The following JAKMIP1 variants were observed in gnomAD, a reference collection of about 807,000 sequenced individuals.
JAKMIP1 encodes janus kinase and microtubule interacting protein 1, also known as janus kinase and microtubule-interacting protein 1.
In JAKMIP1, 33 loss-of-function variants were observed where a neutral mutation model predicts 113.0. The ratio of observed to expected loss-of-function variants is 0.29; its 90% CI spans 0.22 to 0.39. The LOEUF (loss-of-function observed/expected upper bound fraction) is 0.39, where lower values mean the gene tolerates loss of function less well. Among genes scored for constraint, JAKMIP1 ranks in the 10% least tolerant of loss-of-function variants. The pLI is 1.00. For missense variants in JAKMIP1, 813 were observed against 1,080.5 expected (o/e 0.75, Z 3.47); for synonymous variants, 480 against 459.9 (o/e 1.04, Z -0.56).
rs1248564548 is a variant in JAKMIP1, at chr4:6,183,389, G to A, written c.-148+16864C>T. On this transcript the variant is annotated intron_variant, in intron 1 of 20. Transcript: ENST00000409021. The surrounding 1 kb of genome is among the most constrained non-coding windows in gnomAD (Gnocchi z 5.3). ...AACTACTTGGGAGGCCGAGGCAGGA[G>A]AGTCGCTTGAACCTGGGAGGCAGAG... is the stretch of plus-strand genomic sequence containing the variant. Among the ~76,000 whole-genome samples the A allele has an allele frequency of 6.6e-6, 1 of 151,854 alleles. No homozygotes were observed. The highest frequency in any genetic ancestry group is 2.4e-5 in the African/African-American group (1 of 41,312).
chr4:6,075,007 T>C (rs1315493940), intron 8 of JAKMIP1, among the ~76,000 whole-genome samples: 1 of 152,202 alleles, frequency 6.6e-6, no homozygotes. Context: ...GACGCATTTC[T>C]CAGAATGTGT....
In JAKMIP1 at chr4:6,154,088, TCCTGCTG is replaced by T. The variant is rs1383592543; in HGVS notation, c.-147-41098_-147-41092del. ...CCCAGACCATGCCTGGCTGACTGCA[TCCTGCTG>T]CCTATGGTGAGAAGGCACAGGCTTG... On this transcript the variant is annotated intron_variant, in intron 1 of 20. Coordinates refer to ENST00000409021, the MANE Select transcript of JAKMIP1 (RefSeq NM_001099433.2). This position sits in a 1 kb window ranked among gnomAD's most constrained non-coding sequence, Gnocchi z 4.2. Among the ~76,000 whole-genome samples the T allele has an allele frequency of 6.6e-6, 1 of 152,188 alleles. No individual in the cohort carries two copies. The highest frequency in any genetic ancestry group is 1.5e-5 in the Non-Finnish European group (1 of 68,042).
At chr4:6,046,529 C>T (rs192355809) in intron 16 of JAKMIP1, among the ~76,000 whole-genome samples, 6 of 151,942 alleles carry the variant, frequency 3.9e-5, no homozygotes, top group Admixed American at 3.9e-4. Flanking sequence ...GGGCACAAGG[C>T]ACAGCACCAG....
chr4:6,156,392 A>G lies in JAKMIP1; in HGVS notation c.-147-43395T>C, dbSNP rs1722244911. Among the ~76,000 whole-genome samples the G allele has an allele frequency of 6.6e-6, 1 of 152,220 alleles. No homozygotes were observed. Among genetic ancestry groups the G allele is most frequent in the Non-Finnish European group, 1.5e-5 (1 of 68,036 alleles). Reference sequence around the variant, plus strand: ...TACAAAAATAATGATGCATGTCCCAATTGACAGCAGCTTAGATTTAATAAA... The same window carrying G: ...TACAAAAATAATGATGCATGTCCCAGTTGACAGCAGCTTAGATTTAATAAA... On this transcript the variant is annotated intron_variant, in intron 1 of 20. Coordinates refer to ENST00000409021, the MANE Select transcript of JAKMIP1 (RefSeq NM_001099433.2). This position sits in a 1 kb window ranked among gnomAD's most constrained non-coding sequence, Gnocchi z 5.0.
At chr4:6,053,571 T>C (rs1305755369) in intron 13 of JAKMIP1, among the ~76,000 whole-genome samples, 1 of 152,220 alleles carries the variant, frequency 6.6e-6, no homozygotes, top group Non-Finnish European at 1.5e-5. Flanking sequence ...CTAGAGTCAA[T>C]TGCTGGCTCA....
chr4:6,112,964 T>G lies in JAKMIP1; in HGVS notation c.-114A>C. On this transcript the variant is annotated 5_prime_UTR_variant, in exon 2 of 21. Coordinates refer to ENST00000409021, the MANE Select transcript of JAKMIP1 (RefSeq NM_001099433.2). ...GCTAACCAGTCGCGCAGGACTCAGCTCGCCCTCCGAGGAAACCACCATCAC... is the reference window on the plus strand; with the variant it reads ...GCTAACCAGTCGCGCAGGACTCAGCGCGCCCTCCGAGGAAACCACCATCAC... The G allele has an allele frequency of 7.1e-7, 1 of 1,404,034 alleles. No individual in the cohort carries two copies. Among genetic ancestry groups the G allele is most frequent in the South Asian group, 1.5e-5 (1 of 66,872 alleles). 87.0% of individuals were successfully genotyped at this position (1,404,034 alleles called of 1,614,324 possible).
rs554767264 is a variant in JAKMIP1, at chr4:6,197,934, C to T, written c.-148+2319G>A. ...CTTACACACCAAGAGAGTGGGGCCACGGTCCTGCCACTTCCTCGTGCAGCC... is the reference window on the plus strand; with the variant it reads ...CTTACACACCAAGAGAGTGGGGCCATGGTCCTGCCACTTCCTCGTGCAGCC... On this transcript the variant is annotated intron_variant, in intron 1 of 20. Coordinates refer to ENST00000409021, the MANE Select transcript of JAKMIP1 (RefSeq NM_001099433.2). This position sits in a 1 kb window ranked among gnomAD's most constrained non-coding sequence, Gnocchi z 6.5. 1.3e-5 allele frequency among the ~76,000 whole-genome samples: 2 copies of T among 152,344 alleles called. No homozygotes were observed. The highest frequency in any genetic ancestry group is 1.3e-4 in the Admixed American group (2 of 15,304).
intron 11 of JAKMIP1, among the ~76,000 whole-genome samples, 168 bp downstream of exon 11, chr4:6,060,256 G>C (rs949352614): frequency 1.3e-5 from 2 of 152,304 alleles, no homozygotes; most frequent in South Asian, 2.1e-4. Context: ...AGGTACAGTA[G>C]GGAGCACATT....
At chr4:6,038,623 C>G (rs1031527024) in intron 18 of JAKMIP1, among the ~76,000 whole-genome samples, 1 of 152,268 alleles carries the variant, frequency 6.6e-6, no homozygotes. Flanking sequence ...CTGCTGGGAT[C>G]CAGGCCCATC....
Position 6,084,951 on chromosome 4 carries a change from G to A in JAKMIP1, c.849C>T (p.Asp283=), listed in dbSNP as rs747742786. Residue 283 remains aspartate (D), a synonymous_variant, in exon 5 of 21, where the codon GAC becomes GAT. Transcript: ENST00000409021. ...GTTGAAATCGCCTCACATCTCGCTC[G>A]TCCATATGTTGATCCTAAAAAAAAA... ...ELMGVQDQHM[D]ERDVRRFQLK... is the part of the protein sequence containing the mutation. The A allele has an allele frequency of 8.6e-5, 74 of 860,080 alleles. No individual in the cohort carries two copies. Among genetic ancestry groups the A allele is most frequent in the East Asian group, 1.5e-4 (4 of 27,456 alleles). 53.3% of individuals were successfully genotyped at this position (860,080 alleles called of 1,614,324 possible).
rs939201737 is a variant in JAKMIP1, at chr4:6,150,732, G to A, written c.-147-37735C>T. 2.0e-5 allele frequency among the ~76,000 whole-genome samples: 3 copies of A among 152,170 alleles called. No homozygotes were observed. The highest frequency in any genetic ancestry group is 2.0e-4 in the Admixed American group (3 of 15,274). ...AGGTAGGAAGAAAAATCTTTTAAAA[G>A]CACGTTAAAAGGCAGGCCTCTAAAA... On this transcript the variant is annotated intron_variant, in intron 1 of 20. Coordinates refer to ENST00000409021, the MANE Select transcript of JAKMIP1 (RefSeq NM_001099433.2). The surrounding 1 kb of genome is among the most constrained non-coding windows in gnomAD (Gnocchi z 4.8).
chr4:6,115,580 G>A (rs1023820931), intron 1 of JAKMIP1, among the ~76,000 whole-genome samples: 2 of 152,152 alleles, frequency 1.3e-5, no homozygotes, highest in Non-Finnish European at 2.9e-5. Context: ...ACGCCCCCAG[G>A]ATACTGACAG....
chr4:6,140,025 C>A lies in JAKMIP1; in HGVS notation c.-147-27028G>T, dbSNP rs1008359186. 3.7e-4 allele frequency among the ~76,000 whole-genome samples: 56 copies of A among 152,178 alleles called. No individual in the cohort carries two copies. The highest frequency in any genetic ancestry group is 1.3e-3 in the African/African-American group (54 of 41,494). On this transcript the variant is annotated intron_variant, in intron 1 of 20. Coordinates refer to ENST00000409021, the MANE Select transcript of JAKMIP1 (RefSeq NM_001099433.2). The surrounding 1 kb of genome is among the most constrained non-coding windows in gnomAD (Gnocchi z 9.4). ...ACTTCCAGCCTCCAGAACTAAGAGA[C>A]CATCCGTTTGTCTTGTGTATTCCAT...
intron 16 of JAKMIP1, among the ~76,000 whole-genome samples, chr4:6,046,836 C>T (rs775249324): frequency 7.2e-5 from 11 of 152,240 alleles, no homozygotes; most frequent in African/African-American, 1.2e-4. Context: ...GAGAACTCAG[C>T]GCCCTGCAGA....
intron 1 of JAKMIP1, among the ~76,000 whole-genome samples, chr4:6,128,959 C>T (rs779960387): frequency 3.3e-5 from 5 of 152,364 alleles, no homozygotes; most frequent in East Asian, 1.9e-4. Flanking sequence ...GGCCCCTGGC[C>T]GTCTCACCCG....
Position 6,067,173 on chromosome 4 carries a change from C to T in JAKMIP1, c.1303-2165G>A, listed in dbSNP as rs1169399464. On this transcript the variant is annotated intron_variant, in intron 8 of 20. Coordinates refer to ENST00000409021, the MANE Select transcript of JAKMIP1 (RefSeq NM_001099433.2). The surrounding 1 kb of genome is among the most constrained non-coding windows in gnomAD (Gnocchi z 4.6). ...TTTACTGATGGTCTTCCCCCTACCCCTTGAAATGGAAGCTCCATGAAGACA... is the reference window on the plus strand; with the variant it reads ...TTTACTGATGGTCTTCCCCCTACCCTTTGAAATGGAAGCTCCATGAAGACA... 6.6e-6 allele frequency among the ~76,000 whole-genome samples: 1 copy of T among 152,206 alleles called. No individual in the cohort carries two copies. The highest frequency in any genetic ancestry group is 1.9e-4 in the East Asian group (1 of 5,188).
At chr4:6,169,287 T>C (rs1724039544) in intron 1 of JAKMIP1, among the ~76,000 whole-genome samples, 1 of 152,152 alleles carries the variant, frequency 6.6e-6, no homozygotes, top group Non-Finnish European at 1.5e-5. Context: ...GAGGAGGCCA[T>C]GATGGACTAG....
rs140036838 is a variant in JAKMIP1 at position 6,089,008 on chromosome 4, C to T, written c.625-3379G>A. ...AGTAATTGCTTCAGGGATGGATGCACAATCCAATCAGAACCAATGGCCAGA... is the reference window on the plus strand; with the variant it reads ...AGTAATTGCTTCAGGGATGGATGCATAATCCAATCAGAACCAATGGCCAGA... On this transcript the variant is annotated intron_variant, in intron 3 of 20. Coordinates refer to ENST00000409021, the MANE Select transcript of JAKMIP1 (RefSeq NM_001099433.2). This position sits in a 1 kb window ranked among gnomAD's most constrained non-coding sequence, Gnocchi z 5.3. Among the ~76,000 whole-genome samples the T allele has an allele frequency of 6.6e-6, 1 of 152,312 alleles. No individual in the cohort carries two copies. The highest frequency in any genetic ancestry group is 1.5e-5 in the Non-Finnish European group (1 of 68,024).
rs373168725 is a variant in JAKMIP1, at chr4:6,138,710, C to A, written c.-147-25713G>T. ...TGGCCGTGCAGTGGCGTGTTCTCAA[C>A]GGCCAGCTCTGTCTCAGAATGGGTA... is the stretch of plus-strand genomic sequence containing the variant. On this transcript the variant is annotated intron_variant, in intron 1 of 20. Coordinates refer to ENST00000409021, the MANE Select transcript of JAKMIP1 (RefSeq NM_001099433.2). The surrounding 1 kb of genome is among the most constrained non-coding windows in gnomAD (Gnocchi z 6.0). Among the ~76,000 whole-genome samples the A allele has an allele frequency of 1.3e-5, 2 of 152,182 alleles. No individual in the cohort carries two copies.
Sources: gnomAD v4.1 joint callset for allele counts (sites outside exome capture counted in the v4.1 genomes callset) on GRCh38, gnomAD v4.1.1 for gene constraint, Gnocchi (gnomAD v3.1) non-coding constraint, MANE v1.5 for transcripts, NCBI Gene and HGNC (gene_info 2026-07-23, HGNC 2026-07-21) for gene names.